LY9: variants seen among roughly 807,000 people sequenced by gnomAD.
LY9 encodes the protein lymphocyte antigen 9.
LY9 carries 59 observed loss-of-function variants against 64.6 expected under a neutral mutation model. The observed-to-expected ratio is 0.91, with a 90% CI of 0.74 to 1.13. The LOEUF (loss-of-function observed/expected upper bound fraction) is 1.13. Ranked by LOEUF, LY9 falls within the 50% of genes most tolerant of loss-of-function variation. LY9 has a pLI of 0.00. For missense variants in LY9, 789 were observed against 797.2 expected (o/e 0.99, Z 0.12); for synonymous variants, 281 against 308.5 (o/e 0.91, Z 0.93).
In LY9 at chr1:160,796,230, C is replaced by T. The variant is rs201973623; in HGVS notation, c.43C>T (p.Pro15Ser). 1.3e-4 allele frequency: 209 copies of T among 1,614,030 alleles called. No homozygotes were observed. Among genetic ancestry groups the T allele is most frequent in the Non-Finnish European group, 1.8e-4 (208 of 1,179,970 alleles). Reference sequence around the variant, plus strand: ...TCACACAGATGACTGGGCTCCTGGGCCTTTCTCCAGTAAGCCACAGAGGAG... The same window carrying T: ...TCACACAGATGACTGGGCTCCTGGGTCTTTCTCCAGTAAGCCACAGAGGAG... ...KSHTDDWAPGPFSSKPQRSQL... is the reference protein window; with the variant it reads ...KSHTDDWAPGSFSSKPQRSQL... The change falls in exon 1 of 10, where the codon CCT (proline) becomes TCT (serine). Residue 15 changes from proline (P) to serine (S), a missense_variant. Transcript: ENST00000263285.
Position 160,813,926 on chromosome 1 carries a change from C to G in LY9, c.730+15C>G. On this transcript the variant is annotated intron_variant, in intron 3 of 9. Transcript: ENST00000263285. ...GTTCTGTACAGGTAACTGGCTCCAACTTGGCCCTTGAGGGAATTCCAGAAA... is the reference window on the plus strand; with the variant it reads ...GTTCTGTACAGGTAACTGGCTCCAAGTTGGCCCTTGAGGGAATTCCAGAAA... 6.2e-7 allele frequency: 1 copy of G among 1,605,998 alleles called. No individual in the cohort carries two copies. The highest frequency in any genetic ancestry group is 8.5e-7 in the Non-Finnish European group (1 of 1,175,930).
chr1:160,798,812 A>G (rs1406171781), intron 1 of LY9: 2 of 151,684 alleles, frequency 1.3e-5, no homozygotes, highest in Non-Finnish European at 2.9e-5. Flanking sequence ...TTTTCTACTT[A>G]TTTTCCCACC....
chr1:160,823,363 C>T, intron 7 of LY9, 102 bp from the exon 8 acceptor site: 1 of 791,276 alleles, frequency 1.3e-6, no homozygotes, highest in Non-Finnish European at 2.0e-6. Context: ...GTTCTCTAGG[C>T]CTCATCTAAT....
chr1:160,802,660 G>A, intron 2 of LY9: 1 of 985,162 alleles, frequency 1.0e-6, no homozygotes, highest in Non-Finnish European at 1.2e-6. Flanking sequence ...GCTTTCCTCA[G>A]CCTCCCCACA....
intron 7 of LY9, among the ~76,000 whole-genome samples, chr1:160,822,669 T>A (rs1025564662): frequency 1.3e-5 from 2 of 152,198 alleles, no homozygotes; most frequent in African/African-American, 4.8e-5. Flanking sequence ...TGTATCAAAA[T>A]GGGCTACTTC....
At position 160,823,494 on chromosome 1, in the gene LY9, G is replaced by A. The variant is rs894154254; in HGVS notation, c.1528G>A (p.Val510Met). Residue 510 changes from valine (V) to methionine (M), a missense_variant, in exon 8 of 10, where the codon GTG becomes ATG. Transcript: ENST00000263285. ...CACAGCTGGCCACACGCTATACTCT[G>A]TGCTCTCCCAAGGATATGAGAAGCT... is the stretch of plus-strand genomic sequence containing the variant. The part of the protein sequence containing the change: ...EPTAGHTLYS[V>M]LSQGYEKLDT... 3 of 1,613,774 alleles carry A rather than the reference G, an allele frequency of 1.9e-6. No homozygotes were observed. The African/African-American group carries it at 4.0e-5, about 22-fold the overall frequency.
At chr1:160,809,532 T>C (rs950758127) in intron 2 of LY9, among the ~76,000 whole-genome samples, 8 of 151,970 alleles carry the variant, frequency 5.3e-5, no homozygotes, top group Non-Finnish European at 8.8e-5. Flanking sequence ...TATTTATTAT[T>C]ATTTTATTTT....
At chr1:160,810,536 C>T (rs1273551966) in intron 2 of LY9, 1 of 152,092 alleles carries the variant, frequency 6.6e-6, no homozygotes. Flanking sequence ...ACTTAATTAC[C>T]TCTTTAGATG....
At chr1:160,826,499 C>T (rs766175276) in intron 9 of LY9, among the ~76,000 whole-genome samples, 6 of 152,196 alleles carry the variant, frequency 3.9e-5, no homozygotes, top group Non-Finnish European at 7.3e-5. Context: ...TCACCAGGGT[C>T]TGATTTTTCA....
chr1:160,819,001 G>A (rs901969678), intron 6 of LY9, among the ~76,000 whole-genome samples: 1 of 152,138 alleles, frequency 6.6e-6, no homozygotes, highest in Non-Finnish European at 1.5e-5. Flanking sequence ...AGAGCAGAAT[G>A]GGTAGAACAC....
At chr1:160,801,923 C>A (rs762593680) in intron 2 of LY9, 185 of 1,611,718 alleles carry the variant, frequency 1.1e-4, no homozygotes, top group Non-Finnish European at 1.5e-4. Context: ...GCTAGGCCCT[C>A]GCCCCCACCT....
intron 1 of LY9, among the ~76,000 whole-genome samples, chr1:160,798,323 C>T (rs1666097983): frequency 1.3e-5 from 2 of 152,286 alleles, no homozygotes; most frequent in South Asian, 4.1e-4. Context: ...GATCTGGACT[C>T]TGTGACTGAT....
Position 160,823,803 on chromosome 1 carries a change from C to G in LY9, c.1830+7C>G, listed in dbSNP as rs1557819937. The G allele has an allele frequency of 6.3e-7, 1 of 1,596,364 alleles. No homozygotes were observed. The highest frequency in any genetic ancestry group is 2.2e-5 in the East Asian group (1 of 44,570). The stretch of plus-strand genomic sequence containing the variant: ...ACAAGTGTTCAACTTACAGGTGAGC[C>G]CTTCTGATCAATACACCTTCCTCCT... On this transcript the variant is annotated splice_region_variant and intron_variant, in intron 8 of 9. Transcript: ENST00000263285.
chr1:160,821,159 A>AAC (rs1241833878), intron 7 of LY9, among the ~76,000 whole-genome samples: 1 of 150,388 alleles, frequency 6.6e-6, no homozygotes. Context: ...GCTAAAAAAA[A>AAC]AAAAAAAAAA....
At chr1:160,825,028 C>T (rs567474652) in intron 9 of LY9, among the ~76,000 whole-genome samples, 1 of 147,148 alleles carries the variant, frequency 6.8e-6, no homozygotes, top group African/African-American at 2.5e-5. Flanking sequence ...CATGGTGAAA[C>T]CCTGTCTTTA....
chr1:160,801,881 C>A lies in LY9; in HGVS notation c.454+1799C>A, dbSNP rs73017973. 1.2e-3 allele frequency: 1,999 copies of A among 1,614,106 alleles called. 23 individuals carry two copies. In the African/African-American group the frequency reaches 0.024, roughly 19 times the overall value. ...GCGGCCTGGAGTCCATCATCAGCAC[C>A]CTGGCTGAGCCACGTGTGAGCGTGC... On this transcript the variant is annotated intron_variant, in intron 2 of 9. Coordinates refer to ENST00000263285, the MANE Select transcript of LY9 (RefSeq NM_002348.4).
chr1:160,821,682 A>G (rs1250955831), intron 7 of LY9, among the ~76,000 whole-genome samples: 1 of 152,188 alleles, frequency 6.6e-6, no homozygotes, highest in Non-Finnish European at 1.5e-5. Flanking sequence ...GGTCAAGTGT[A>G]TGGGTTCTGA....
rs1558082654 is a variant in LY9, at chr1:160,800,026, T to C, written c.398T>C (p.Ile133Thr). 3.1e-6 allele frequency: 5 copies of C among 1,614,230 alleles called. No individual in the cohort carries two copies. The highest frequency in any genetic ancestry group is 4.2e-6 in the Non-Finnish European group (5 of 1,180,032). ...LNDAGSYKAQ[I>T]NQRNFEVTTE... is the part of the protein sequence containing the mutation. ...GATGCAGGATCCTACAAAGCCCAGA[T>C]AAACCAAAGGAATTTTGAAGTCACC... is the stretch of plus-strand genomic sequence containing the variant. Residue 133 changes from isoleucine (I) to threonine (T), a missense_variant, in exon 2 of 10, where the codon ATA becomes ACA. Coordinates refer to ENST00000263285, the MANE Select transcript of LY9 (RefSeq NM_002348.4).
At chr1:160,803,709 A>G (rs1296267565) in intron 2 of LY9, among the ~76,000 whole-genome samples, 1 of 152,266 alleles carries the variant, frequency 6.6e-6, no homozygotes, top group East Asian at 1.9e-4. Flanking sequence ...TTCTCTAGTT[A>G]TAAGATCATA....
Sources: allele counts gnomAD v4.1 joint callset (sites outside exome capture counted in the v4.1 genomes callset), GRCh38; gene constraint gnomAD v4.1.1; transcripts MANE v1.5; gene names NCBI Gene and HGNC (gene_info 2026-07-23, HGNC 2026-07-21).